Variants in FAM78B observed in about 807,000 individuals in gnomAD.
FAM78B encodes family with sequence similarity 78 member B.
Under a neutral mutation model 20.0 loss-of-function variants are expected in FAM78B, and 10 were observed. The observed-to-expected ratio is 0.50, with a 90% CI of 0.31 to 0.85. The LOEUF is 0.85. Ranked by LOEUF, FAM78B falls within the 40% of genes least tolerant of loss-of-function variation. FAM78B has a pLI of 0.05. For synonymous variants in FAM78B, 135 were observed against 132.8 expected, an observed-to-expected ratio of 1.02 and a Z score of -0.12; for missense variants, 283 against 345.0, an observed-to-expected ratio of 0.82 and a Z score of 1.42.
intron 1 of FAM78B, among the ~76,000 whole-genome samples, chr1:166,127,286 T>G (rs1654678805): frequency 6.6e-6 from 1 of 152,210 alleles, no homozygotes; most frequent in Admixed American, 6.5e-5. Flanking sequence ...AGTTCAATTC[T>G]GCCCTAGACA....
At chr1:166,151,778 T>G (rs1655683123) in intron 1 of FAM78B, among the ~76,000 whole-genome samples, 1 of 152,216 alleles carries the variant, frequency 6.6e-6, no homozygotes, top group Non-Finnish European at 1.5e-5. Context: ...AGTAACTATG[T>G]ACAGATCCCA....
At chr1:166,119,010 C>A (rs1654366840) in intron 1 of FAM78B, among the ~76,000 whole-genome samples, 1 of 152,064 alleles carries the variant, frequency 6.6e-6, no homozygotes, top group Admixed American at 6.5e-5. Flanking sequence ...ACAGGACAGG[C>A]CTCACACTTC....
intron 1 of FAM78B, among the ~76,000 whole-genome samples, chr1:166,109,864 ATGTG>A (rs1270011401): frequency 0.11 from 1,540 of 14,118 alleles, 294 homozygotes; most frequent in African/African-American, 0.19. Flanking sequence ...ATATATATGT[ATGTG>A]TATATATATA....
chr1:166,155,938 C>T (rs1655874298), intron 1 of FAM78B, among the ~76,000 whole-genome samples: 1 of 152,214 alleles, frequency 6.6e-6, no homozygotes, highest in African/African-American at 2.4e-5. Context: ...TCTGGCAGCT[C>T]TTGGACTTGC....
intron 1 of FAM78B, chr1:166,087,531 G>C (rs1391057481): frequency 1.3e-5 from 2 of 152,200 alleles, no homozygotes; most frequent in Non-Finnish European, 2.9e-5. Flanking sequence ...GCGTACTTCA[G>C]GCACCATGTT....
intron 1 of FAM78B, among the ~76,000 whole-genome samples, chr1:166,146,837 T>G (rs986186673): frequency 6.6e-6 from 1 of 152,192 alleles, no homozygotes; most frequent in Non-Finnish European, 1.5e-5. Context: ...GCAGGAGTTA[T>G]CCTGAGCTTC....
chr1:166,068,031 T>A (rs963841794), downstream of FAM78B, among the ~76,000 whole-genome samples: 1 of 152,232 alleles, frequency 6.6e-6, no homozygotes, highest in East Asian at 1.9e-4. Flanking sequence ...ACTAGGGGAA[T>A]TTGCAAACAT....
chr1:166,087,499 A>C (rs991556275), intron 1 of FAM78B: 1 of 152,176 alleles, frequency 6.6e-6, no homozygotes, highest in Non-Finnish European at 1.5e-5. Context: ...TGGAAGGAAA[A>C]CTACCATGTC....
chr1:166,159,988 A>C (rs1029458294), intron 1 of FAM78B, among the ~76,000 whole-genome samples: 2 of 152,214 alleles, frequency 1.3e-5, no homozygotes, highest in African/African-American at 4.8e-5. Context: ...CTGATGCTCT[A>C]GATTGGCATC....
chr1:166,154,359 C>T (rs567520060), intron 1 of FAM78B, among the ~76,000 whole-genome samples: 3 of 152,328 alleles, frequency 2.0e-5, no homozygotes, highest in African/African-American at 7.2e-5. Context: ...TCCATACTTT[C>T]CCCTTCCCTT....
intron 1 of FAM78B, among the ~76,000 whole-genome samples, chr1:166,152,464 G>C (rs1310271081): frequency 1.3e-5 from 2 of 152,038 alleles, no homozygotes; most frequent in Non-Finnish European, 2.9e-5. Flanking sequence ...ATCTACTCTT[G>C]ATATCCAGGC....
downstream of FAM78B, among the ~76,000 whole-genome samples, chr1:166,064,887 G>A (rs1276639811): frequency 1.3e-5 from 2 of 152,220 alleles, no homozygotes; most frequent in East Asian, 3.8e-4. Flanking sequence ...CCAAGTCTCA[G>A]AAAAGTTAAA....
rs1019658166 is a variant in FAM78B, at chr1:166,083,749, G to A, written c.264-12986C>T. Reference sequence around the variant, plus strand: ...GATCTCTTGACCTCATGATCCGTCTGCCTCGGCCTCCCAAAGTGCTGGGAT... The same window carrying A: ...GATCTCTTGACCTCATGATCCGTCTACCTCGGCCTCCCAAAGTGCTGGGAT... On this transcript the variant is annotated intron_variant, in intron 1 of 1. Transcript: ENST00000354422. Among the ~76,000 whole-genome samples the A allele has an allele frequency of 4.7e-5, 7 of 148,782 alleles. No individual in the cohort carries two copies. The Admixed American group carries it at 4.7e-4, about 10-fold the overall frequency.
At chr1:166,121,914 C>T (rs766624410) in intron 1 of FAM78B, among the ~76,000 whole-genome samples, 1 of 152,168 alleles carries the variant, frequency 6.6e-6, no homozygotes, top group Non-Finnish European at 1.5e-5. Context: ...TACTGGCTTA[C>T]AGGGCAGCCT....
chr1:166,164,591 C>T (rs1265893104), intron 1 of FAM78B, among the ~76,000 whole-genome samples: 1 of 152,124 alleles, frequency 6.6e-6, no homozygotes, highest in Non-Finnish European at 1.5e-5. Flanking sequence ...AGCTTTTGTG[C>T]TTAAAGAGAA....
At position 166,166,711 on chromosome 1, in the gene FAM78B, AGCCGCCGCC is replaced by A. The variant is rs904677030; in HGVS notation, c.-472_-464del. ...CTGCCTCCGCGGCGGCAGCAGCAGCAGCCGCCGCCGCCGCCGCCGCTGCATGAACCTCTG... is the reference window on the plus strand; with the variant it reads ...CTGCCTCCGCGGCGGCAGCAGCAGCAGCCGCCGCCGCTGCATGAACCTCTG... On this transcript the variant is annotated 5_prime_UTR_variant, in exon 1 of 2. Transcript: ENST00000354422. 1.1e-4 allele frequency: 17 copies of A among 148,480 alleles called. No homozygotes were observed. The highest frequency in any genetic ancestry group is 2.9e-4 in the African/African-American group (12 of 40,904). 9.2% of individuals were successfully genotyped at this position (148,480 alleles called of 1,614,324 possible). A position where few individuals can be genotyped will look rare whatever the true frequency, so the allele number is the denominator to read the frequency against.
At chr1:166,146,731 A>T (rs959768771) in intron 1 of FAM78B, among the ~76,000 whole-genome samples, 13 of 152,326 alleles carry the variant, frequency 8.5e-5, no homozygotes, top group Admixed American at 3.9e-4. Context: ...AAAGTAGACA[A>T]ATCATAGATA....
chr1:166,126,335 A>G (rs991562563), intron 1 of FAM78B, among the ~76,000 whole-genome samples: 1 of 152,194 alleles, frequency 6.6e-6, no homozygotes, highest in Non-Finnish European at 1.5e-5. Context: ...AGTGAATAAA[A>G]CAAAGATCTC....
chr1:166,151,191 C>T (rs925593642), intron 1 of FAM78B, among the ~76,000 whole-genome samples: 6 of 152,192 alleles, frequency 3.9e-5, no homozygotes, highest in African/African-American at 1.4e-4. Context: ...TTGGCCTGTG[C>T]TTTTGAAATG....
Sources: gnomAD v4.1 joint callset for allele counts (sites outside exome capture counted in the v4.1 genomes callset) on GRCh38, gnomAD v4.1.1 for gene constraint, MANE v1.5 for transcripts, NCBI Gene and HGNC (gene_info 2026-07-23, HGNC 2026-07-21) for gene names.